Variants in PITHD1 observed in about 807,000 individuals in gnomAD.
The protein encoded by PITHD1 is PITH domain containing 1, also known as PITH domain-containing protein 1.
In PITHD1, 8 loss-of-function variants were observed where a neutral mutation model predicts 27.5. The observed-to-expected ratio is 0.29, with a 90% confidence interval of 0.17 to 0.52. PITHD1 has a LOEUF of 0.52. Among genes scored for constraint, PITHD1 ranks in the 20% least tolerant of loss-of-function variants. The pLI, the probability that PITHD1 is intolerant of heterozygous loss-of-function variation, is 0.96. For synonymous variants in PITHD1, 118 were observed against 106.8 expected (o/e 1.10, Z -0.64); for missense variants, 233 against 283.9 (o/e 0.82, Z 1.29).
Position 23,786,867 on chromosome 1 carries a change from C to T in PITHD1, c.535-408C>T, listed in dbSNP as rs552210660. Among the ~76,000 whole-genome samples, 6 of 152,208 alleles carry T rather than the reference C, an allele frequency of 3.9e-5. No homozygotes were observed. In the South Asian group the frequency reaches 1.0e-3, roughly 26 times the overall value. On this transcript the variant is annotated intron_variant, in intron 5 of 5. Transcript: ENST00000246151. ...TCAGCCTCCCAAAATGTTGGGATTA[C>T]AGGTGTGAGCCACCTTGCCCAGCCT... is the stretch of plus-strand genomic sequence containing the variant.
chr1:23,787,420 G>A lies in PITHD1; in HGVS notation c.*44G>A. On this transcript the variant is annotated 3_prime_UTR_variant, in exon 6 of 6. Coordinates refer to ENST00000246151, the MANE Select transcript of PITHD1 (RefSeq NM_020362.5). ...ATAGAGGCGCTGTGTCAGTGAAGAT[G>A]TACGACTACCTGTTGGGAAGGACAA... The A allele has an allele frequency of 9.2e-7, 1 of 1,090,572 alleles. No individual in the cohort carries two copies. Among genetic ancestry groups the A allele is most frequent in the Non-Finnish European group, 1.4e-6 (1 of 708,086 alleles). The allele number at this position is 1,090,572 out of a possible 1,614,324, so 67.6% of individuals were successfully genotyped here. A position where few individuals can be genotyped will look rare whatever the true frequency, so the allele number is the denominator to read the frequency against.
Position 23,787,435 on chromosome 1 carries a change from G to A in PITHD1, c.*59G>A. On this transcript the variant is annotated 3_prime_UTR_variant, in exon 6 of 6. Transcript: ENST00000246151. ...CAGTGAAGATGTACGACTACCTGTT[G>A]GGAAGGACAAAGGGATGAGGCTCCA... 2.0e-6 allele frequency: 2 copies of A among 978,324 alleles called. No homozygotes were observed. The highest frequency in any genetic ancestry group is 3.3e-6 in the Non-Finnish European group (2 of 610,204). 60.6% of individuals were successfully genotyped at this position (978,324 alleles called of 1,614,324 possible).
intron 3 of PITHD1, chr1:23,785,322 G>C (rs1638666308): frequency 5.6e-6 from 1 of 177,430 alleles, no homozygotes; most frequent in Non-Finnish European, 1.2e-5. Context: ...GTGAAACCCT[G>C]TCTTTACTAA....
At chr1:23,780,121 T>C (rs1387858884) in intron 3 of PITHD1, among the ~76,000 whole-genome samples, 180 bp downstream of exon 3, 5 of 152,238 alleles carry the variant, frequency 3.3e-5, no homozygotes, top group African/African-American at 1.2e-4. Context: ...TTAATGACTT[T>C]TTTAGATTAA....
chr1:23,786,273 C>A (rs780878042), intron 4 of PITHD1, 42 bp from the exon 5 acceptor site: 1 of 905,242 alleles, frequency 1.1e-6, no homozygotes, highest in Non-Finnish European at 1.8e-6. Context: ...ACTCATTGAA[C>A]TATAATTCAT....
intron 5 of PITHD1, 45 bp from the exon 6 acceptor site, chr1:23,787,230 C>A: frequency 7.8e-7 from 1 of 1,274,568 alleles, no homozygotes; most frequent in Non-Finnish European, 1.1e-6. Flanking sequence ...TGGGAAAGGA[C>A]AGTTCTTTTA....
intron 2 of PITHD1, 81 bp downstream of exon 2, chr1:23,779,562 G>A (rs1638565278): frequency 5.6e-6 from 6 of 1,066,750 alleles, no homozygotes; most frequent in Non-Finnish European, 7.3e-6. Context: ...CTGGTGTCAA[G>A]AGCACACATT....
In PITHD1 at chr1:23,778,575, G is replaced by A. The variant is rs1035155392; in HGVS notation, c.60G>A (p.Glu20=). 3.0e-6 allele frequency: 4 copies of A among 1,344,032 alleles called. No individual in the cohort carries two copies. Among genetic ancestry groups the A allele is most frequent in the South Asian group, 1.9e-5 (1 of 53,386 alleles). 83.3% of individuals were successfully genotyped at this position (1,344,032 alleles called of 1,614,324 possible). Residue 20 remains glutamate (E), a synonymous_variant, in exon 1 of 6, where the codon GAG becomes GAA. Coordinates refer to ENST00000246151, the MANE Select transcript of PITHD1 (RefSeq NM_020362.5). ...GGCRCAAERE[E]PPEQRGLAYG... is the part of the protein sequence containing the mutation. ...GCCGCTGCGCCGCCGAACGGGAGGA[G>A]CCGCCCGAGCAGCGCGGCCTGGCCT...
At chr1:23,785,944 G>C (rs1321820072) in intron 4 of PITHD1, among the ~76,000 whole-genome samples, 165 bp downstream of exon 4, 1 of 152,220 alleles carries the variant, frequency 6.6e-6, no homozygotes, top group Non-Finnish European at 1.5e-5. Context: ...GCAAGCCACA[G>C]ACTTGTTAAC....
intron 3 of PITHD1, among the ~76,000 whole-genome samples, chr1:23,780,546 A>T (rs1357927637): frequency 6.6e-6 from 1 of 152,196 alleles, no homozygotes. Context: ...CATTTAAAAA[A>T]TTCAGTCCGG....
Position 23,785,655 on chromosome 1 carries a change from T to TTTTC in PITHD1, c.321-20_321-19insTTTC, listed in dbSNP as rs1638671729. 6.7e-7 allele frequency: 1 copy of TTTTC among 1,493,898 alleles called. No homozygotes were observed. Among genetic ancestry groups the TTTTC allele is most frequent in the East Asian group, 2.3e-5 (1 of 44,252 alleles). 92.5% of individuals were successfully genotyped at this position (1,493,898 alleles called of 1,614,324 possible). On this transcript the variant is annotated intron_variant, in intron 3 of 5. Transcript: ENST00000246151. ...GTGATAATGCACATTTCTTGACTTT[T>TTTTC]CTTTCCTTTCCTTTCTCAGGTACAA...
rs1044197761 is a variant in PITHD1 at position 23,778,481 on chromosome 1, T to C, written c.-35T>C. ...GAGCCGAGCCGAGCGAGCGCGGCGGTGGGGCCGAGAGGACGCGCAGGTGGC... is the reference window on the plus strand; with the variant it reads ...GAGCCGAGCCGAGCGAGCGCGGCGGCGGGGCCGAGAGGACGCGCAGGTGGC... On this transcript the variant is annotated 5_prime_UTR_variant, in exon 1 of 6. Coordinates refer to ENST00000246151, the MANE Select transcript of PITHD1 (RefSeq NM_020362.5). The C allele has an allele frequency of 1.5e-6, 2 of 1,322,772 alleles. No individual in the cohort carries two copies. The highest frequency in any genetic ancestry group is 8.0e-5 in the Admixed American group (2 of 24,906). 81.9% of individuals were successfully genotyped at this position (1,322,772 alleles called of 1,614,324 possible). A position where few individuals can be genotyped will look rare whatever the true frequency, so the allele number is the denominator to read the frequency against.
Position 23,787,292 on chromosome 1 carries a change from G to T in PITHD1, c.552G>T (p.Val184=). Reference sequence around the variant, plus strand: ...TCTTGCAGCTTCGCCGACACGAGGTGACCATCTGCAATTACGAAGCATCTG... The same window carrying T: ...TCTTGCAGCTTCGCCGACACGAGGTTACCATCTGCAATTACGAAGCATCTG... ...GEWTELRRHE[V]TICNYEASAN... Residue 184 remains valine, a synonymous_variant, in exon 6 of 6, where the codon GTG becomes GTT. Coordinates refer to ENST00000246151, the MANE Select transcript of PITHD1 (RefSeq NM_020362.5). The T allele has an allele frequency of 6.2e-7, 1 of 1,613,728 alleles. No homozygotes were observed. The highest frequency in any genetic ancestry group is 1.1e-5 in the South Asian group (1 of 91,006).
chr1:23,779,433 T>G lies in PITHD1; in HGVS notation c.199-5T>G. 3 of 1,606,390 alleles carry G rather than the reference T, an allele frequency of 1.9e-6. No homozygotes were observed. Among genetic ancestry groups the G allele is most frequent in the African/African-American group, 1.3e-5 (1 of 74,854 alleles). On this transcript the variant is annotated splice_region_variant and splice_polypyrimidine_tract_variant and intron_variant, in intron 1 of 5. Transcript: ENST00000246151. ...TTTCTCCTCCCCCCTCCCCATCCCC[T>G]CCAGTTTGTTGAAAGTGATGCAGAT... is the stretch of plus-strand genomic sequence containing the variant.
In PITHD1 at chr1:23,786,250, A is replaced by C. The variant is rs551974099; in HGVS notation, c.426-65A>C. ...AGCTGGAGCTGAATTGTTGTTTCACATGGTGGTGAGATACTCATTGAACTA... is the reference window on the plus strand; with the variant it reads ...AGCTGGAGCTGAATTGTTGTTTCACCTGGTGGTGAGATACTCATTGAACTA... On this transcript the variant is annotated intron_variant, in intron 4 of 5. Coordinates refer to ENST00000246151, the MANE Select transcript of PITHD1 (RefSeq NM_020362.5). The C allele has an allele frequency of 6.7e-5, 46 of 686,876 alleles. 1 individual carries two copies. The East Asian group carries it at 1.3e-3, about 19-fold the overall frequency. The allele number at this position is 686,876 out of a possible 1,614,324, so 42.5% of individuals were successfully genotyped here.
intron 5 of PITHD1, among the ~76,000 whole-genome samples, chr1:23,786,790 C>T (rs1638691230): frequency 1.3e-5 from 2 of 151,954 alleles, no homozygotes; most frequent in South Asian, 4.1e-4. Context: ...CAGGGTTTCA[C>T]CATGTTGGCC....
At chr1:23,779,126 T>G (rs548559630) in intron 1 of PITHD1, among the ~76,000 whole-genome samples, 1 of 152,268 alleles carries the variant, frequency 6.6e-6, no homozygotes, top group African/African-American at 2.4e-5. Context: ...TGCTATCTGT[T>G]TGAAAGCAGT....
intron 5 of PITHD1, among the ~76,000 whole-genome samples, chr1:23,786,828 G>T (rs1177961633): frequency 1.3e-5 from 2 of 151,978 alleles, no homozygotes; most frequent in African/African-American, 4.8e-5. Context: ...CTGACCTCAG[G>T]TGATCTGCCC....
intron 3 of PITHD1, among the ~76,000 whole-genome samples, chr1:23,784,398 G>A (rs1031787946): frequency 1.3e-5 from 2 of 151,728 alleles, no homozygotes. Context: ...CTGCCACCAC[G>A]CCCGGCTAAT....
Sources: allele counts gnomAD v4.1 joint callset (sites outside exome capture counted in the v4.1 genomes callset), GRCh38; gene constraint gnomAD v4.1.1; transcripts MANE v1.5; gene names NCBI Gene and HGNC (gene_info 2026-07-23, HGNC 2026-07-21).